The following MICU2 variants were observed in gnomAD, a reference collection of about 807,000 sequenced individuals.
MICU2 encodes calcium uptake protein 2, mitochondrial.
In MICU2, 64 loss-of-function variants were observed where a neutral mutation model predicts 60.4. The ratio of observed to expected loss-of-function variants is 1.06; its 90% confidence interval spans 0.87 to 1.31. The LOEUF is 1.31. MICU2 is among the 50% of genes most tolerant of loss of function. The probability of loss-of-function intolerance (pLI) is 0.00; values close to 1 mark genes in which losing one functional copy is unlikely to be tolerated. For synonymous variants in MICU2, 201 were observed against 175.0 expected (o/e 1.15, Z -1.17); for missense variants, 569 against 531.0 (o/e 1.07, Z -0.70).
intron 1 of MICU2, among the ~76,000 whole-genome samples, chr13:21,581,106 C>G (rs182335817): frequency 1.6e-3 from 246 of 152,272 alleles, no homozygotes; most frequent in African/African-American, 5.7e-3. Flanking sequence ...AAGTTTAGAT[C>G]TAGCCTTTGA....
chr13:21,531,241 G>A, intron 4 of MICU2: 5 of 1,196,720 alleles, frequency 4.2e-6, no homozygotes, highest in East Asian at 2.3e-5. Context: ...GACACTATAA[G>A]AAAGGAATAT....
intron 1 of MICU2, among the ~76,000 whole-genome samples, chr13:21,579,484 GCTCCC>G (rs1888298191): frequency 1.3e-5 from 2 of 152,002 alleles, no homozygotes; most frequent in African/African-American, 4.8e-5. Flanking sequence ...GGGATTACAG[GCTCCC>G]GCCACCACGC....
intron 4 of MICU2, 126 bp downstream of exon 4, chr13:21,539,176 C>A: frequency 1.3e-6 from 1 of 755,174 alleles, no homozygotes; most frequent in South Asian, 1.9e-5. Flanking sequence ...AAAAAGTTAC[C>A]TCCTTACTTC....
At chr13:21,550,349 C>A (rs1023482313) in intron 2 of MICU2, among the ~76,000 whole-genome samples, 1 of 152,136 alleles carries the variant, frequency 6.6e-6, no homozygotes, top group Non-Finnish European at 1.5e-5. Flanking sequence ...CCAGCCTGGG[C>A]AACCAAGCAA....
At position 21,514,308 on chromosome 13, in the gene MICU2, G is replaced by C. The variant is rs752117414; in HGVS notation, c.663+45C>G. 2.1e-6 allele frequency: 3 copies of C among 1,453,980 alleles called. No individual in the cohort carries two copies. The Admixed American group carries it at 5.7e-5, about 28-fold the overall frequency. The allele number at this position is 1,453,980 out of a possible 1,614,324, so 90.1% of individuals were successfully genotyped here. On this transcript the variant is annotated intron_variant, in intron 7 of 11. Coordinates refer to ENST00000382374, the MANE Select transcript of MICU2 (RefSeq NM_152726.3). The stretch of plus-strand genomic sequence containing the variant: ...GGAATATCTGAACAAACAAAATAGA[G>C]TAGCTATTATAAATATCAATTGTTT...
chr13:21,497,351 T>G (rs1017560143), intron 9 of MICU2, among the ~76,000 whole-genome samples: 1 of 149,694 alleles, frequency 6.7e-6, no homozygotes, highest in African/African-American at 2.5e-5. Flanking sequence ...GGTGATGGAG[T>G]GAGACTCTGT....
At chr13:21,571,104 T>G (rs1188932882) in intron 1 of MICU2, among the ~76,000 whole-genome samples, 1 of 152,126 alleles carries the variant, frequency 6.6e-6, no homozygotes, top group Non-Finnish European at 1.5e-5. Context: ...TTGCTTTTTT[T>G]TTGTTGCTGC....
At chr13:21,580,548 C>A (rs1184495211) in intron 1 of MICU2, among the ~76,000 whole-genome samples, 6 of 137,110 alleles carry the variant, frequency 4.4e-5, no homozygotes, top group African/African-American at 1.5e-4. Flanking sequence ...ATGATCCAGG[C>A]AACCTAAATC....
At chr13:21,577,522 A>T (rs1888251965) in intron 1 of MICU2, among the ~76,000 whole-genome samples, 1 of 151,980 alleles carries the variant, frequency 6.6e-6, no homozygotes, top group Non-Finnish European at 1.5e-5. Flanking sequence ...AATTACCCAG[A>T]TGAGGCTGGG....
intron 4 of MICU2, among the ~76,000 whole-genome samples, chr13:21,535,695 A>G (rs1351548187): frequency 5.9e-5 from 9 of 152,200 alleles, no homozygotes; most frequent in Admixed American, 5.9e-4. Context: ...AATGTACCAG[A>G]CACACAGCAA....
intron 4 of MICU2, among the ~76,000 whole-genome samples, chr13:21,522,943 G>C (rs968985676): frequency 6.6e-6 from 1 of 152,182 alleles, no homozygotes; most frequent in South Asian, 2.1e-4. Context: ...CATCATTTCT[G>C]GGTGTGTCTG....
chr13:21,556,424 T>C (rs950056983), intron 2 of MICU2, among the ~76,000 whole-genome samples: 1 of 152,210 alleles, frequency 6.6e-6, no homozygotes, highest in African/African-American at 2.4e-5. Flanking sequence ...CTCAGTCCTT[T>C]GACTTATCTT....
Position 21,539,713 on chromosome 13 carries a change from T to A in MICU2, c.359-25A>T, listed in dbSNP as rs942000179. 1.9e-6 allele frequency: 3 copies of A among 1,608,778 alleles called. No individual in the cohort carries two copies. In the Admixed American group the frequency reaches 5.0e-5, roughly 27 times the overall value. On this transcript the variant is annotated intron_variant, in intron 2 of 11. Transcript: ENST00000382374. ...CCTACAACAAATAAGAAACATTATT[T>A]AGTATCCATATTCTTTGGTAAAACT... is the stretch of plus-strand genomic sequence containing the variant.
chr13:21,505,981 G>A (rs181897724), intron 8 of MICU2, among the ~76,000 whole-genome samples: 215 of 151,870 alleles, frequency 1.4e-3, no homozygotes, highest in Non-Finnish European at 2.6e-3. Flanking sequence ...TACTGAGGAT[G>A]ATATGTAACT....
At position 21,518,220 on chromosome 13, in the gene MICU2, A is replaced by G. The variant is rs569943511; in HGVS notation, c.597+3025T>C. ...TGAAAAAATTTTAAAGTAGGTATGC[A>G]TAACAAATTCAGGAGTAGAGGCTGT... On this transcript the variant is annotated intron_variant, in intron 6 of 11. Coordinates refer to ENST00000382374, the MANE Select transcript of MICU2 (RefSeq NM_152726.3). Among the ~76,000 whole-genome samples, 3 of 152,378 alleles carry G rather than the reference A, an allele frequency of 2.0e-5. No individual in the cohort carries two copies. In the South Asian group the frequency reaches 6.2e-4, roughly 32 times the overall value.
chr13:21,537,424 T>C (rs1361807899), intron 4 of MICU2, among the ~76,000 whole-genome samples: 5 of 152,128 alleles, frequency 3.3e-5, no homozygotes, highest in Non-Finnish European at 7.3e-5. Flanking sequence ...AAACCTTCTT[T>C]CTCCATAAAG....
Position 21,534,604 on chromosome 13 carries a change from A to C in MICU2, c.466+4698T>G, listed in dbSNP as rs1887088698. Among the ~76,000 whole-genome samples, 2 of 152,224 alleles carry C rather than the reference A, an allele frequency of 1.3e-5. 1 individual carries two copies. The highest frequency in any genetic ancestry group is 4.1e-4 in the South Asian group (2 of 4,836). ...CACGTAGTCTTCATACTTTCAATAC[A>C]CAGAAAGGCTAAAAGTGCATAGCAA... On this transcript the variant is annotated intron_variant, in intron 4 of 11. Coordinates refer to ENST00000382374, the MANE Select transcript of MICU2 (RefSeq NM_152726.3).
chr13:21,552,024 G>A (rs1887582024), intron 2 of MICU2, among the ~76,000 whole-genome samples: 1 of 152,152 alleles, frequency 6.6e-6, no homozygotes, highest in Admixed American at 6.5e-5. Flanking sequence ...CTTCCACAAG[G>A]GTTGAACTAG....
At chr13:21,571,653 G>C (rs1398784386) in intron 1 of MICU2, among the ~76,000 whole-genome samples, 4 of 152,218 alleles carry the variant, frequency 2.6e-5, no homozygotes, top group African/African-American at 9.6e-5. Context: ...AGCCAAGATC[G>C]TGCCACTGCA....
Sources: allele counts gnomAD v4.1 joint callset (sites outside exome capture counted in the v4.1 genomes callset), GRCh38; gene constraint gnomAD v4.1.1; transcripts MANE v1.5; gene names NCBI Gene and HGNC (gene_info 2026-07-23, HGNC 2026-07-21).